Variants in CDK12 observed in about 807,000 individuals in gnomAD.
CDK12 encodes the protein cyclin-dependent kinase 12.
In CDK12, 17 loss-of-function variants were observed where a neutral mutation model predicts 133.8. The observed-to-expected ratio is 0.13, with a 90% CI of 0.09 to 0.19. CDK12 has a LOEUF of 0.19. Among genes scored for constraint, CDK12 ranks in the 10% least tolerant of loss-of-function variants. The pLI, the probability that CDK12 is intolerant of heterozygous loss-of-function variation, is 1.00. For missense variants in CDK12, 1,508 were observed against 1,818.7 expected (o/e 0.83, Z 3.11); for synonymous variants, 694 against 683.6 (o/e 1.02, Z -0.24).
At chr17:39,515,845 G>T in intron 9 of CDK12, 37 bp downstream of exon 9, 1 of 1,349,224 alleles carries the variant, frequency 7.4e-7, no homozygotes, top group South Asian at 1.2e-5. Context: ...GCCCAGGTGT[G>T]ATAGGTATTC....
At chr17:39,470,760 G>A (rs1015290178) in intron 1 of CDK12, 119 bp from the exon 2 acceptor site, 4 of 839,818 alleles carry the variant, frequency 4.8e-6, no homozygotes, top group Non-Finnish European at 5.3e-6. Context: ...GTTTTTGATG[G>A]CACTTAATCT....
At chr17:39,535,551 G>GT (rs1240905096), downstream of CDK12, among the ~76,000 whole-genome samples, 2 of 152,120 alleles carry the variant, frequency 1.3e-5, no homozygotes, top group Non-Finnish European at 2.9e-5. Context: ...AGAAAATACT[G>GT]TTTTCACTTC....
At chr17:39,472,372 G>A (rs1196290871) in intron 2 of CDK12, among the ~76,000 whole-genome samples, 1 of 151,328 alleles carries the variant, frequency 6.6e-6, no homozygotes, top group Non-Finnish European at 1.5e-5. Flanking sequence ...AATACCTATA[G>A]AAAAATTAAA....
chr17:39,486,039 G>A (rs2051100132), intron 2 of CDK12, among the ~76,000 whole-genome samples: 2 of 149,248 alleles, frequency 1.3e-5, no homozygotes, highest in South Asian at 2.1e-4. Context: ...TGCAACCTCT[G>A]CCTCCTGGGT....
In CDK12 at chr17:39,495,390, T is replaced by TTTTG. The variant is rs1567730141; in HGVS notation, c.2419+699_2419+700insGTTT. ...ACCATGACTGGCCTCATGTGTTTTTTTTTTTTTTTTTTTTTTTTTTTTTTT... is the reference window on the plus strand; with the variant it reads ...ACCATGACTGGCCTCATGTGTTTTTTTTTGTTTTTTTTTTTTTTTTTTTTTTTTT... On this transcript the variant is annotated intron_variant, in intron 5 of 13. Coordinates refer to ENST00000447079, the MANE Select transcript of CDK12 (RefSeq NM_016507.4). Among the ~76,000 whole-genome samples, 2 of 139,790 alleles carry TTTTG rather than the reference T, an allele frequency of 1.4e-5. 1 individual carries two copies. 91.7% of individuals were successfully genotyped at this position (139,790 alleles called of 152,430 possible). A position where few individuals can be genotyped will look rare whatever the true frequency, so the allele number is the denominator to read the frequency against.
Position 39,511,512 on chromosome 17 carries a change from T to G in CDK12, c.2667-17T>G, listed in dbSNP as rs765877834. ...AGCCACTGTAAGTTTATGTCATGGTTGTTTTTTATATTTCAGTCGCCCTTA... is the reference window on the plus strand; with the variant it reads ...AGCCACTGTAAGTTTATGTCATGGTGGTTTTTTATATTTCAGTCGCCCTTA... On this transcript the variant is annotated splice_polypyrimidine_tract_variant and intron_variant, in intron 7 of 13. Coordinates refer to ENST00000447079, the MANE Select transcript of CDK12 (RefSeq NM_016507.4). The G allele has an allele frequency of 3.3e-6, 5 of 1,517,818 alleles. No individual in the cohort carries two copies. Among genetic ancestry groups the G allele is most frequent in the Non-Finnish European group, 4.6e-6 (5 of 1,098,868 alleles). The allele number at this position is 1,517,818 out of a possible 1,614,324, so 94.0% of individuals were successfully genotyped here.
rs761257011 is a variant in CDK12 at position 39,462,139 on chromosome 17, C to T, written c.68C>T (p.Pro23Leu). 2 of 1,614,044 alleles carry T rather than the reference C, an allele frequency of 1.2e-6. No individual in the cohort carries two copies. The highest frequency in any genetic ancestry group is 1.3e-5 in the African/African-American group (1 of 74,926). ...GGAGGAGCTTCTGGAACTTTGCAGC[C>T]GTCATCGGGAGGCGGCAGCTCTAAC... Reference protein sequence around the residue: ...GSGGASGTLQPSSGGGSSNSR... With the variant: ...GSGGASGTLQLSSGGGSSNSR... Residue 23 changes from proline (P) to leucine (L), a missense_variant, in exon 1 of 14, where the codon CCG becomes CTG. Around this residue, in one of 9 missense-constraint regions of CDK12, gnomAD observed 460 missense variants for 490.8 expected, o/e 0.94. Coordinates refer to ENST00000447079, the MANE Select transcript of CDK12 (RefSeq NM_016507.4).
At position 39,476,711 on chromosome 17, in the gene CDK12, C is replaced by CATTTTTTTTTTTTTTTTTTTTT. The variant is rs1555553398; in HGVS notation, c.1931+4948_1931+4949insATTTTTTTTTTTTTTTTTTTTT. Among the ~76,000 whole-genome samples the CATTTTTTTTTTTTTTTTTTTTT allele has an allele frequency of 5.3e-4, 45 of 84,528 alleles. 14 individuals are homozygous for CATTTTTTTTTTTTTTTTTTTTT. The highest frequency in any genetic ancestry group is 7.1e-4 in the Non-Finnish European group (34 of 48,030). The allele number at this position is 84,528 out of a possible 152,430, so 55.5% of individuals were successfully genotyped here. On this transcript the variant is annotated intron_variant, in intron 2 of 13. Coordinates refer to ENST00000447079, the MANE Select transcript of CDK12 (RefSeq NM_016507.4). ...TACAGGCATGAGCCACCATGCCTGC[C>CATTTTTTTTTTTTTTTTTTTTT]TTTTTTTTTTTTTTTTTTTTTTTTT...
At chr17:39,551,948 A>G (rs925257842) in intron 2 of CDK12, among the ~76,000 whole-genome samples, 2 of 152,218 alleles carry the variant, frequency 1.3e-5, no homozygotes, top group African/African-American at 4.8e-5. Flanking sequence ...GGACAAGGAT[A>G]GGCACAGAGC....
intron 5 of CDK12, among the ~76,000 whole-genome samples, chr17:39,495,448 G>A (rs2052021584): frequency 7.6e-6 from 1 of 132,046 alleles, no homozygotes; most frequent in Admixed American, 8.6e-5. Flanking sequence ...TGGATATGAT[G>A]CATGTATGCC....
chr17:39,477,231 T>C (rs979225873), intron 2 of CDK12, among the ~76,000 whole-genome samples: 13 of 150,884 alleles, frequency 8.6e-5, no homozygotes, highest in African/African-American at 3.2e-4. Flanking sequence ...AGATGAAGTC[T>C]GGAGTCTCAC....
At chr17:39,517,609 C>T in intron 10 of CDK12, 53 bp downstream of exon 10, 1 of 1,131,720 alleles carries the variant, frequency 8.8e-7, no homozygotes, top group Non-Finnish European at 1.3e-6. Context: ...GGTGTTGGGA[C>T]TTGGCTTTTT....
Position 39,530,684 on chromosome 17 carries a change from C to G in CDK12, c.3841C>G (p.Leu1281Val). 6.2e-7 allele frequency: 1 copy of G among 1,613,688 alleles called. No individual in the cohort carries two copies. Among genetic ancestry groups the G allele is most frequent in the Non-Finnish European group, 8.5e-7 (1 of 1,179,780 alleles). ...TCCACCGCCGCCACCTCCACCCCCT[C>G]TGGTTGAAGGCGATCTTTCCAGCGC... ...GPPPPPPPPP[L>V]VEGDLSSAPQ... The change falls in exon 14 of 14, where the codon CTG becomes GTG. Residue 1281 changes from leucine (L) to valine (V), a missense_variant. This residue lies in a region of CDK12 where 399 missense variants were observed against 469.6 expected (regional missense o/e 0.85). Coordinates refer to ENST00000447079, the MANE Select transcript of CDK12 (RefSeq NM_016507.4).
rs765096612 is a variant in CDK12, at chr17:39,525,885, A to G, written c.3329A>G (p.Gln1110Arg). 6.2e-7 allele frequency: 1 copy of G among 1,614,106 alleles called. No homozygotes were observed. The highest frequency in any genetic ancestry group is 8.5e-7 in the Non-Finnish European group (1 of 1,179,946). ...ACAGGCCTTGCTGACATCACACAAC[A>G]GCTGAATCAAAGTGAATTGGCAGTG... ...DAIGLADITQQLNQSELAVLL... is the reference protein window; with the variant it reads ...DAIGLADITQRLNQSELAVLL... Residue 1110 changes from glutamine (Q) to arginine (R), a missense_variant, in exon 13 of 14, where the codon CAG becomes CGG. Physicochemically the swap from Gln to Arg is conservative, Grantham distance 43. Around this residue, in one of 9 missense-constraint regions of CDK12, gnomAD observed 399 missense variants for 469.6 expected, o/e 0.85. Transcript: ENST00000447079.
chr17:39,510,170 A>C (rs1454425016), intron 7 of CDK12, among the ~76,000 whole-genome samples: 1 of 129,188 alleles, frequency 7.7e-6, no homozygotes, highest in Non-Finnish European at 1.5e-5. Flanking sequence ...CCTGGGCTGG[A>C]GTGCAGTGGC....
chr17:39,513,259 C>G (rs2053600851), intron 8 of CDK12, among the ~76,000 whole-genome samples: 2 of 152,162 alleles, frequency 1.3e-5, no homozygotes, highest in African/African-American at 4.8e-5. Context: ...GACCTTTATA[C>G]TTTACAATTC....
intron 12 of CDK12, 27 bp from the exon 13 acceptor site, chr17:39,525,837 T>C: frequency 6.3e-7 from 1 of 1,591,234 alleles, no homozygotes; most frequent in Non-Finnish European, 8.6e-7. Context: ...CTCATCGTCT[T>C]ATATTGGCTT....
chr17:39,553,087 G>A (rs2056019932), intron 2 of CDK12, among the ~76,000 whole-genome samples: 1 of 152,136 alleles, frequency 6.6e-6, no homozygotes. Flanking sequence ...CTTGAAGTGA[G>A]TGGAAGTTAA....
chr17:39,544,572 G>A (rs1409346091), upstream of CDK12, among the ~76,000 whole-genome samples: 2 of 151,678 alleles, frequency 1.3e-5, no homozygotes. Context: ...GCGCCTCCGG[G>A]GTTCAAGTGA....
Sources: allele counts gnomAD v4.1 joint callset (sites outside exome capture counted in the v4.1 genomes callset), GRCh38; gene constraint gnomAD v4.1.1; regional missense constraint gnomAD v4.1.1; transcripts MANE v1.5; gene names NCBI Gene and HGNC (gene_info 2026-07-23, HGNC 2026-07-21).